The following RABGAP1L variants were observed in gnomAD, a reference collection of about 807,000 sequenced individuals.
The protein encoded by RABGAP1L is rab GTPase-activating protein 1-like.
A neutral mutation model predicts 137.7 loss-of-function variants in RABGAP1L; 63 were observed. The observed-to-expected ratio is 0.46, with a 90% CI of 0.37 to 0.56. The LOEUF is 0.56. Ranked by LOEUF, RABGAP1L falls within the 20% of genes least tolerant of loss-of-function variation. RABGAP1L has a pLI of 0.00. For synonymous variants in RABGAP1L, 431 were observed against 433.7 expected, an observed-to-expected ratio of 0.99 and a Z score of 0.08; for missense variants, 1,095 against 1,244.0, an observed-to-expected ratio of 0.88 and a Z score of 1.80.
intron 11 of RABGAP1L, among the ~76,000 whole-genome samples, chr1:174,328,056 C>A (rs1680710342): frequency 7.8e-6 from 1 of 128,908 alleles, no homozygotes; most frequent in South Asian, 2.5e-4. Flanking sequence ...ATATATAAAG[C>A]AAACATTAAT....
At chr1:174,601,865 G>C (rs1670439319) in intron 13 of RABGAP1L, among the ~76,000 whole-genome samples, 1 of 152,034 alleles carries the variant, frequency 6.6e-6, no homozygotes, top group African/African-American at 2.4e-5. Context: ...TCTAGGGCAG[G>C]GACGAAATGC....
intron 13 of RABGAP1L, among the ~76,000 whole-genome samples, chr1:174,514,265 A>C (rs1662609575): frequency 6.6e-6 from 1 of 151,342 alleles, no homozygotes. Flanking sequence ...AAAAAAAAAA[A>C]AAAAACTGGG....
chr1:174,852,676 C>T (rs11810508), intron 19 of RABGAP1L, among the ~76,000 whole-genome samples: 31,795 of 151,892 alleles, frequency 0.21, 3,653 homozygotes, highest in Admixed American at 0.25. Context: ...ATTAGCTGGG[C>T]GTGTTGGCAT....
At chr1:174,290,222 G>C (rs1676466167) in intron 10 of RABGAP1L, among the ~76,000 whole-genome samples, 1 of 152,234 alleles carries the variant, frequency 6.6e-6, no homozygotes, top group African/African-American at 2.4e-5. Context: ...CTGTCAGCAG[G>C]GATGTGTGGT....
chr1:174,969,089 C>T (rs1258625281), intron 20 of RABGAP1L, among the ~76,000 whole-genome samples, 188 bp from the exon 21 acceptor site: 2 of 152,116 alleles, frequency 1.3e-5, no homozygotes, highest in African/African-American at 2.4e-5. Flanking sequence ...GGTAGAGAAC[C>T]GCATCTGCAT....
At chr1:174,863,759 A>G (rs753534610) in intron 19 of RABGAP1L, among the ~76,000 whole-genome samples, 13 of 152,064 alleles carry the variant, frequency 8.5e-5, no homozygotes, top group Non-Finnish European at 1.8e-4. Context: ...AGGCAGGCAG[A>G]TCATGAGGTC....
chr1:174,421,861 T>C (rs1374423502), intron 13 of RABGAP1L, among the ~76,000 whole-genome samples: 1 of 152,174 alleles, frequency 6.6e-6, no homozygotes, highest in African/African-American at 2.4e-5. Context: ...CTCTGCATAC[T>C]GGGTTCAAGT....
At chr1:174,480,477 A>G (rs989085364) in intron 13 of RABGAP1L, among the ~76,000 whole-genome samples, 7 of 152,236 alleles carry the variant, frequency 4.6e-5, no homozygotes, top group Admixed American at 2.6e-4. Context: ...CTGCAGTGCA[A>G]TCAAGGCCAG....
At chr1:174,363,095 T>A (rs115975535) in intron 11 of RABGAP1L, among the ~76,000 whole-genome samples, 4,330 of 152,244 alleles carry the variant, frequency 0.028, 95 homozygotes, top group Non-Finnish European at 0.046. Context: ...TAGTTGTAGA[T>A]GTGTGGTCTT....
At chr1:174,966,413 T>C (rs182989766) in intron 20 of RABGAP1L, among the ~76,000 whole-genome samples, 1 of 152,218 alleles carries the variant, frequency 6.6e-6, no homozygotes, top group Non-Finnish European at 1.5e-5. Context: ...ATTGTGCTGG[T>C]ATTGTTACTC....
chr1:174,419,896 G>A (rs964646627), intron 13 of RABGAP1L, among the ~76,000 whole-genome samples: 1 of 151,894 alleles, frequency 6.6e-6, no homozygotes, highest in African/African-American at 2.4e-5. Flanking sequence ...TTTTGATTCC[G>A]GCTGCTTCTT....
chr1:174,873,659 C>T (rs974935014), intron 19 of RABGAP1L, among the ~76,000 whole-genome samples: 8 of 151,552 alleles, frequency 5.3e-5, no homozygotes, highest in Non-Finnish European at 1.0e-4. Flanking sequence ...TACAGGCGCG[C>T]GCCACCACGC....
chr1:174,231,220 A>G lies in RABGAP1L; in HGVS notation c.407A>G (p.Tyr136Cys). The G allele has an allele frequency of 1.9e-6, 3 of 1,613,702 alleles. No individual in the cohort carries two copies. The highest frequency in any genetic ancestry group is 2.5e-6 in the Non-Finnish European group (3 of 1,179,680). The change falls in exon 4 of 26, where the codon TAC (tyrosine) becomes TGC (cysteine). Residue 136 changes from tyrosine (Y) to cysteine (C), a missense_variant. By Grantham distance (194) the Tyr-to-Cys change is radical (BLOSUM62 -2). Coordinates refer to ENST00000681986, the MANE Select transcript of RABGAP1L (RefSeq NM_001366446.1). The part of the protein sequence containing the change: ...EDSVLFNKLT[Y>C]LGCMKVSSPR... ...AGTGTTTTATTTAATAAACTGACCT[A>G]CTTAGGATGTATGAAGGTTTCTTCC...
At chr1:174,489,337 A>G (rs1659984784) in intron 13 of RABGAP1L, among the ~76,000 whole-genome samples, 1 of 152,126 alleles carries the variant, frequency 6.6e-6, no homozygotes, top group East Asian at 1.9e-4. Flanking sequence ...TACAAGAAAA[A>G]ATCAAACAAC....
At chr1:174,189,115 C>T (rs547529018) in intron 1 of RABGAP1L, among the ~76,000 whole-genome samples, 16 of 152,184 alleles carry the variant, frequency 1.1e-4, no homozygotes, top group South Asian at 2.1e-4. Context: ...ACGCCATTCT[C>T]CTGCCTCAGC....
At chr1:174,548,057 T>TG (rs1471102540) in intron 13 of RABGAP1L, 2 of 1,550,204 alleles carry the variant, frequency 1.3e-6, no homozygotes, top group South Asian at 2.4e-5. Context: ...GCCTGTTAAA[T>TG]GCGTCAGTGC....
intron 14 of RABGAP1L, among the ~76,000 whole-genome samples, chr1:174,648,775 G>C (rs1675202916): frequency 6.6e-6 from 1 of 152,086 alleles, no homozygotes; most frequent in African/African-American, 2.4e-5. Context: ...CTGTCTTGTT[G>C]ATCTGTCTGA....
At position 174,551,021 on chromosome 1, in the gene RABGAP1L, T is replaced by TATATATATACAC. The variant is rs1553330343; in HGVS notation, c.1711-86353_1711-86352insTATATATACACA. Reference sequence around the variant, plus strand: ...ACACATATATATATATATATATATATACATACACACACACACATATATATA... The same window carrying TATATATATACAC: ...ACACATATATATATATATATATATATATATATATACACACATACACACACACACATATATATA... On this transcript the variant is annotated intron_variant, in intron 13 of 25. Coordinates refer to ENST00000681986, the MANE Select transcript of RABGAP1L (RefSeq NM_001366446.1). Among the ~76,000 whole-genome samples the TATATATATACAC allele has an allele frequency of 4.0e-4, 49 of 122,788 alleles. 1 individual carries two copies. The highest frequency in any genetic ancestry group is 1.8e-3 in the African/African-American group (47 of 26,198). 80.6% of individuals were successfully genotyped at this position (122,788 alleles called of 152,430 possible). A position where few individuals can be genotyped will look rare whatever the true frequency, so the allele number is the denominator to read the frequency against.
Position 174,270,825 on chromosome 1 carries a change from T to G in RABGAP1L, c.987-1589T>G, listed in dbSNP as rs1431810524. ...ATTTAAACCCTATAATATAGAACAT[T>G]GTTCTTAAAACAAAAAACCATTAGA... On this transcript the variant is annotated intron_variant, in intron 7 of 25. Transcript: ENST00000681986. Among the ~76,000 whole-genome samples, 4 of 152,148 alleles carry G rather than the reference T, an allele frequency of 2.6e-5. No individual in the cohort carries two copies. In the East Asian group the frequency reaches 7.7e-4, roughly 29 times the overall value.
Sources: gnomAD v4.1 joint callset for allele counts (sites outside exome capture counted in the v4.1 genomes callset) on GRCh38, gnomAD v4.1.1 for gene constraint, MANE v1.5 for transcripts, NCBI Gene and HGNC (gene_info 2026-07-23, HGNC 2026-07-21) for gene names.